The following RAPGEF6 variants were observed in gnomAD, a reference collection of about 807,000 sequenced individuals.
RAPGEF6 encodes the protein Rap guanine nucleotide exchange factor 6.
A neutral mutation model predicts 171.4 loss-of-function variants in RAPGEF6; 56 were observed. The ratio of observed to expected loss-of-function variants is 0.33; its 90% CI spans 0.26 to 0.41. The LOEUF is 0.41. Ranked by LOEUF, RAPGEF6 falls within the 10% of genes least tolerant of loss-of-function variation. The pLI is 1.00. For missense variants in RAPGEF6, 1,674 were observed against 1,921.4 expected (o/e 0.87, Z 2.41); for synonymous variants, 692 against 650.1 (o/e 1.06, Z -0.98).
chr5:131,512,374 C>CTTT (rs148603194), intron 7 of RAPGEF6, among the ~76,000 whole-genome samples: 4 of 143,778 alleles, frequency 2.8e-5, no homozygotes, highest in Non-Finnish European at 4.6e-5. Context: ...TTTTTTTCTT[C>CTTT]TTTTTTTTTT....
intron 7 of RAPGEF6, among the ~76,000 whole-genome samples, chr5:131,513,638 G>GAAGGC (rs530300233): frequency 7.5e-4 from 114 of 152,344 alleles, no homozygotes; most frequent in South Asian, 6.4e-3. Flanking sequence ...GGGACTGAGA[G>GAAGGC]AAGGCTACTA....
chr5:131,633,593 T>C (rs1343053769), intron 1 of RAPGEF6, among the ~76,000 whole-genome samples: 1 of 151,872 alleles, frequency 6.6e-6, no homozygotes, highest in Non-Finnish European at 1.5e-5. Flanking sequence ...TAGCCGGGCG[T>C]GGTGGCGCCT....
intron 6 of RAPGEF6, among the ~76,000 whole-genome samples, chr5:131,528,336 T>A (rs1169756815): frequency 3.3e-4 from 8 of 24,496 alleles, no homozygotes; most frequent in East Asian, 1.4e-3. Context: ...TATATATATA[T>A]ATACACACAC....
chr5:131,541,609 G>C (rs1406474523), intron 6 of RAPGEF6, among the ~76,000 whole-genome samples: 3 of 150,030 alleles, frequency 2.0e-5, no homozygotes, highest in Non-Finnish European at 4.4e-5. Flanking sequence ...CTTCCATCTT[G>C]GCCTCTCAAA....
intron 24 of RAPGEF6, chr5:131,436,154 A>C (rs1751993794): frequency 8.5e-6 from 13 of 1,537,946 alleles, no homozygotes; most frequent in Non-Finnish European, 1.1e-5. Context: ...CTCTCCCTTG[A>C]AAGCATTCTT....
intron 15 of RAPGEF6, among the ~76,000 whole-genome samples, chr5:131,484,882 C>G (rs1318178813): frequency 6.6e-6 from 1 of 152,114 alleles, no homozygotes; most frequent in East Asian, 1.9e-4. Context: ...AAAATATATG[C>G]ACTTACTACT....
chr5:131,536,454 C>T (rs778364772), intron 6 of RAPGEF6, among the ~76,000 whole-genome samples: 26 of 152,152 alleles, frequency 1.7e-4, no homozygotes, highest in Admixed American at 2.0e-4. Flanking sequence ...AGAGTACCAA[C>T]GCTCTTTTAT....
intron 1 of RAPGEF6, among the ~76,000 whole-genome samples, chr5:131,632,200 ACTC>A (rs1382812593): frequency 6.7e-6 from 1 of 149,214 alleles, no homozygotes; most frequent in African/African-American, 2.5e-5. Context: ...CATTATCTCC[ACTC>A]CTCCTTCATC....
intron 3 of RAPGEF6, among the ~76,000 whole-genome samples, chr5:131,594,370 T>C (rs182869693): frequency 2.5e-3 from 378 of 152,340 alleles, no homozygotes; most frequent in South Asian, 5.0e-3. Flanking sequence ...AGGTCAAAAG[T>C]TGAGGTTTGG....
intron 4 of RAPGEF6, among the ~76,000 whole-genome samples, chr5:131,588,073 T>C (rs190995449): frequency 1.3e-5 from 2 of 152,244 alleles, no homozygotes; most frequent in Admixed American, 6.5e-5. Flanking sequence ...TGTTCCCAGC[T>C]TGACTTTTCT....
intron 1 of RAPGEF6, among the ~76,000 whole-genome samples, chr5:131,633,951 T>C (rs1220134300): frequency 6.6e-6 from 1 of 152,224 alleles, no homozygotes; most frequent in African/African-American, 2.4e-5. Context: ...AGTGGTAGAA[T>C]TTGTGTTGTT....
At chr5:131,520,665 A>C (rs1758419006) in intron 7 of RAPGEF6, among the ~76,000 whole-genome samples, 1 of 152,126 alleles carries the variant, frequency 6.6e-6, no homozygotes, top group African/African-American at 2.4e-5. Context: ...TCTCTGACAA[A>C]ATCAACCACT....
chr5:131,428,461 C>CTTT (rs879499440), intron 27 of RAPGEF6, among the ~76,000 whole-genome samples: 1 of 142,296 alleles, frequency 7.0e-6, no homozygotes, highest in Admixed American at 7.1e-5. Context: ...TATTTAGGAA[C>CTTT]TTTTTTTTTT....
Position 131,464,108 on chromosome 5 carries a change from C to A in RAPGEF6, c.2413G>T (p.Val805Phe). ...TCTGGAAGTCTTCTCTGTTTTATGA[C>A]ACCCTCAGGAGTAACAGAAACTTCA... ...LCEVSVTPEG[V>F]IKQRRLPDQF... The change falls in exon 18 of 28, where the codon GTC (valine) becomes TTC (phenylalanine). Residue 805 changes from valine (V) to phenylalanine (F), a missense_variant. By Grantham distance (50) the Val-to-Phe change is conservative. Coordinates refer to ENST00000509018, the MANE Select transcript of RAPGEF6 (RefSeq NM_016340.6). 1 of 1,613,636 alleles carries A rather than the reference C, an allele frequency of 6.2e-7. No homozygotes were observed. Among genetic ancestry groups the A allele is most frequent in the Non-Finnish European group, 8.5e-7 (1 of 1,179,776 alleles).
chr5:131,538,614 G>A (rs546915856), intron 6 of RAPGEF6, among the ~76,000 whole-genome samples: 1 of 152,202 alleles, frequency 6.6e-6, no homozygotes, highest in East Asian at 1.9e-4. Flanking sequence ...TCGAATTTTA[G>A]TATCTGCAGG....
intron 6 of RAPGEF6, among the ~76,000 whole-genome samples, chr5:131,535,604 T>A (rs145485022): frequency 1.3e-5 from 2 of 152,290 alleles, no homozygotes; most frequent in East Asian, 3.9e-4. Context: ...AATCTTTAGC[T>A]TTAGAAAGGT....
At chr5:131,483,946 A>G (rs1403753824) in intron 15 of RAPGEF6, among the ~76,000 whole-genome samples, 1 of 151,696 alleles carries the variant, frequency 6.6e-6, no homozygotes, top group Non-Finnish European at 1.5e-5. Context: ...TAAAGAATAC[A>G]AAAAATTAGC....
At chr5:131,443,303 C>A (rs1752498979) in intron 22 of RAPGEF6, among the ~76,000 whole-genome samples, 1 of 152,106 alleles carries the variant, frequency 6.6e-6, no homozygotes, top group Admixed American at 6.5e-5. Context: ...GTCTCGAACT[C>A]TTGACCTCAG....
At chr5:131,467,213 C>T (rs886720682) in intron 17 of RAPGEF6, among the ~76,000 whole-genome samples, 2 of 152,224 alleles carry the variant, frequency 1.3e-5, no homozygotes, top group African/African-American at 2.4e-5. Context: ...GTATATCTTG[C>T]TGCATAGTGT....
Sources: allele counts gnomAD v4.1 joint callset (sites outside exome capture counted in the v4.1 genomes callset), GRCh38; gene constraint gnomAD v4.1.1; transcripts MANE v1.5; gene names NCBI Gene and HGNC (gene_info 2026-07-23, HGNC 2026-07-21).